The following CPLX4 variants were observed in gnomAD, a reference collection of about 807,000 sequenced individuals.
The protein encoded by CPLX4 is complexin-4.
CPLX4 carries 17 observed loss-of-function variants against 16.1 expected under a neutral mutation model. The ratio of observed to expected loss-of-function variants is 1.06; its 90% CI spans 0.72 to 1.59. The LOEUF (loss-of-function observed/expected upper bound fraction) is 1.59. Ranked by LOEUF, CPLX4 falls within the 40% of genes most tolerant of loss-of-function variation. The probability of loss-of-function intolerance (pLI) is 0.00; values close to 1 mark genes in which losing one functional copy is unlikely to be tolerated. For synonymous variants in CPLX4, 55 were observed against 57.8 expected, an observed-to-expected ratio of 0.95 and a Z score of 0.22; for missense variants, 193 against 192.9, an observed-to-expected ratio of 1.00 and a Z score of 0.00.
At chr18:59,309,588 C>A (rs1048752940) in intron 2 of CPLX4, among the ~76,000 whole-genome samples, 1 of 152,072 alleles carries the variant, frequency 6.6e-6, no homozygotes, top group Non-Finnish European at 1.5e-5. Flanking sequence ...CTTAGGGAGG[C>A]CGAGGTGGGC....
chr18:59,300,360 T>G (rs181856645), intron 2 of CPLX4, among the ~76,000 whole-genome samples: 6 of 152,282 alleles, frequency 3.9e-5, no homozygotes, highest in African/African-American at 1.2e-4. Context: ...TTTTAAAAAT[T>G]AAAATAAATG....
chr18:59,316,726 G>A (rs2070653777), intron 1 of CPLX4, among the ~76,000 whole-genome samples: 1 of 152,090 alleles, frequency 6.6e-6, no homozygotes, highest in African/African-American at 2.4e-5. Context: ...GCTTTGATCT[G>A]TCCAGATATA....
chr18:59,304,341 G>A (rs1028046091), intron 2 of CPLX4, among the ~76,000 whole-genome samples: 1 of 152,166 alleles, frequency 6.6e-6, no homozygotes, highest in African/African-American at 2.4e-5. Context: ...TGGCCAGGGA[G>A]AGGAACACAT....
In CPLX4 at chr18:59,314,084, T is replaced by G. The variant is rs62094051; in HGVS notation, c.168-1312A>C. Among the ~76,000 whole-genome samples the G allele has an allele frequency of 2.1e-3, 323 of 152,306 alleles. 2 individuals are homozygous for G. Among genetic ancestry groups the G allele is most frequent in the Non-Finnish European group, 2.7e-3 (185 of 68,032 alleles). On this transcript the variant is annotated intron_variant, in intron 1 of 2. Transcript: ENST00000299721. ...ATCAGTTTAAACTGATCAAAGGCCC[T>G]GGGCTCAGGTGCTCTCTGAACTCAT...
chr18:59,297,434 C>A (rs1048420032), intron 2 of CPLX4, among the ~76,000 whole-genome samples: 4 of 151,390 alleles, frequency 2.6e-5, no homozygotes, highest in African/African-American at 9.8e-5. Flanking sequence ...TGCACCACCA[C>A]ACTCAGCTGA....
intron 1 of CPLX4, among the ~76,000 whole-genome samples, chr18:59,317,723 G>A (rs1419763454): frequency 1.3e-5 from 2 of 151,416 alleles, no homozygotes; most frequent in African/African-American, 4.9e-5. Context: ...CTACTTTTCT[G>A]TATGTTTAGA....
intron 2 of CPLX4, among the ~76,000 whole-genome samples, chr18:59,309,714 T>C (rs1421226223): frequency 6.7e-6 from 1 of 149,126 alleles, no homozygotes; most frequent in African/African-American, 2.5e-5. Context: ...TCCCAGCTAC[T>C]CGGGAGACTG....
In CPLX4 at chr18:59,318,590, C is replaced by A; in HGVS notation, c.-128G>T. 7.0e-7 allele frequency: 1 copy of A among 1,429,510 alleles called. No individual in the cohort carries two copies. Among genetic ancestry groups the A allele is most frequent in the Non-Finnish European group, 9.2e-7 (1 of 1,092,672 alleles). The allele number at this position is 1,429,510 out of a possible 1,614,324, so 88.6% of individuals were successfully genotyped here. A position where few individuals can be genotyped will look rare whatever the true frequency, so the allele number is the denominator to read the frequency against. ...ATACATTTAAGAGCAAAGGACTTTG[C>A]ACAACCTCATCTATTCAAGGGCATA... is the stretch of plus-strand genomic sequence containing the variant. On this transcript the variant is annotated 5_prime_UTR_variant, in exon 1 of 3. Coordinates refer to ENST00000299721, the MANE Select transcript of CPLX4 (RefSeq NM_181654.4).
At chr18:59,306,261 G>C (rs989447648) in intron 2 of CPLX4, among the ~76,000 whole-genome samples, 2 of 152,166 alleles carry the variant, frequency 1.3e-5, no homozygotes, top group Admixed American at 6.5e-5. Context: ...CAAATCTAAC[G>C]TGAGCATCAT....
chr18:59,314,471 G>C (rs991686076), intron 1 of CPLX4, among the ~76,000 whole-genome samples: 1 of 151,948 alleles, frequency 6.6e-6, no homozygotes, highest in African/African-American at 2.4e-5. Context: ...ATTAACTAGC[G>C]TGACATGTTT....
chr18:59,306,416 A>C (rs772032571), intron 2 of CPLX4, among the ~76,000 whole-genome samples: 16 of 152,256 alleles, frequency 1.1e-4, no homozygotes, highest in Admixed American at 1.0e-3. Flanking sequence ...AGATTACTGC[A>C]ATTTGATTAC....
At chr18:59,318,155 A>G (rs957225423) in intron 1 of CPLX4, 141 bp downstream of exon 1, 2 of 1,384,512 alleles carry the variant, frequency 1.4e-6, no homozygotes, top group Admixed American at 2.7e-5. Flanking sequence ...TTAGAAGAAC[A>G]ACCTTTCCTT....
At chr18:59,311,735 G>T (rs1379141359) in intron 2 of CPLX4, among the ~76,000 whole-genome samples, 2 of 152,218 alleles carry the variant, frequency 1.3e-5, no homozygotes, top group Non-Finnish European at 2.9e-5. Context: ...GAGTCAGGTG[G>T]TATGAGTCAG....
chr18:59,302,166 A>C (rs2070546124), intron 2 of CPLX4, among the ~76,000 whole-genome samples: 1 of 152,176 alleles, frequency 6.6e-6, no homozygotes, highest in Non-Finnish European at 1.5e-5. Flanking sequence ...TTCCTAATGA[A>C]CCACCCTGCT....
intron 1 of CPLX4, among the ~76,000 whole-genome samples, chr18:59,315,644 T>C (rs1273273893): frequency 6.6e-6 from 1 of 152,196 alleles, no homozygotes; most frequent in Non-Finnish European, 1.5e-5. Flanking sequence ...TCCTACTTTT[T>C]TTTCTAAAAG....
rs1407869690 is a variant in CPLX4, at chr18:59,296,871, C to T, written c.310G>A (p.Glu104Lys). 2 of 1,613,410 alleles carry T rather than the reference C, an allele frequency of 1.2e-6. No homozygotes were observed. Among genetic ancestry groups the T allele is most frequent in the South Asian group, 2.2e-5 (2 of 90,666 alleles). ...QMAGDDVDLPEDLRKMVDEDQ... is the reference protein window; with the variant it reads ...QMAGDDVDLPKDLRKMVDEDQ... ...TCATCTACCATTTTCCGGAGATCTT[C>T]AGGTAAATCCACATCATCTCCAGCC... Residue 104 changes from glutamate to lysine, a missense_variant, in exon 3 of 3, where the codon GAA becomes AAA. Transcript: ENST00000299721.
chr18:59,306,998 G>T (rs151147584), intron 2 of CPLX4, among the ~76,000 whole-genome samples: 1 of 152,182 alleles, frequency 6.6e-6, no homozygotes, highest in Non-Finnish European at 1.5e-5. Context: ...GGGAGGGGAC[G>T]GTTATTAGGA....
intron 2 of CPLX4, among the ~76,000 whole-genome samples, chr18:59,299,776 G>A (rs899008288): frequency 6.6e-6 from 1 of 152,166 alleles, no homozygotes; most frequent in African/African-American, 2.4e-5. Flanking sequence ...CTCAAAGTGG[G>A]TTCTCCAGGA....
At chr18:59,314,281 C>T (rs2070637710) in intron 1 of CPLX4, among the ~76,000 whole-genome samples, 1 of 152,280 alleles carries the variant, frequency 6.6e-6, no homozygotes, top group South Asian at 2.1e-4. Flanking sequence ...AACTTCCAAA[C>T]ATACAGAAAC....
Sources: allele counts gnomAD v4.1 joint callset (sites outside exome capture counted in the v4.1 genomes callset), GRCh38; gene constraint gnomAD v4.1.1; transcripts MANE v1.5; gene names NCBI Gene and HGNC (gene_info 2026-07-23, HGNC 2026-07-21).